CSMD1: variants seen among roughly 807,000 people sequenced by gnomAD.
The protein encoded by CSMD1 is CUB and Sushi multiple domains 1.
A neutral mutation model predicts 417.5 loss-of-function variants in CSMD1; 213 were observed. That is an observed-to-expected ratio of 0.51 (90% CI 0.46 to 0.57). The LOEUF (loss-of-function observed/expected upper bound fraction) is 0.57. Ranked by LOEUF, CSMD1 falls within the 20% of genes least tolerant of loss-of-function variation. The probability of loss-of-function intolerance (pLI) is 0.00; values close to 1 mark genes in which losing one functional copy is unlikely to be tolerated. For synonymous variants in CSMD1, 2,862 were observed against 1,736.8 expected (o/e 1.65, Z -16.11); for missense variants, 6,923 against 4,529.7 (o/e 1.53, Z -15.17).
At chr8:4,830,971 T>A (rs1278791791) in intron 1 of CSMD1, among the ~76,000 whole-genome samples, 2 of 152,196 alleles carry the variant, frequency 1.3e-5, no homozygotes, top group Non-Finnish European at 2.9e-5. Flanking sequence ...AGGTAGCTAA[T>A]CAACGAGGCA....
chr8:3,449,187 T>A (rs1174686797), intron 12 of CSMD1, among the ~76,000 whole-genome samples: 1 of 152,210 alleles, frequency 6.6e-6, no homozygotes, highest in African/African-American at 2.4e-5. Context: ...GGGAATCAGT[T>A]CTTAAATTAT....
intron 5 of CSMD1, among the ~76,000 whole-genome samples, chr8:3,914,102 C>G (rs1411026293): frequency 3.9e-5 from 6 of 152,042 alleles, no homozygotes; most frequent in African/African-American, 1.4e-4. Context: ...ATGTAAGTGC[C>G]TTGTCTTCAG....
At chr8:3,701,085 G>C (rs1209729915) in intron 7 of CSMD1, among the ~76,000 whole-genome samples, 6 of 151,994 alleles carry the variant, frequency 3.9e-5, no homozygotes, top group African/African-American at 1.5e-4. Flanking sequence ...TGAAGGTCTA[G>C]GGACTGAATG....
intron 3 of CSMD1, among the ~76,000 whole-genome samples, chr8:4,416,811 A>T (rs565619950): frequency 2.0e-5 from 3 of 152,246 alleles, no homozygotes; most frequent in South Asian, 2.1e-4. Context: ...GCTTGATGAC[A>T]AAGTAATATT....
chr8:3,501,239 C>G (rs1433767462), intron 10 of CSMD1, among the ~76,000 whole-genome samples: 1 of 152,150 alleles, frequency 6.6e-6, no homozygotes, highest in African/African-American at 2.4e-5. Flanking sequence ...TGTGCATACA[C>G]ACATGCTCAC....
chr8:3,606,588 A>G (rs1030619995), intron 8 of CSMD1, among the ~76,000 whole-genome samples: 6 of 152,102 alleles, frequency 3.9e-5, no homozygotes, highest in Admixed American at 1.3e-4. Flanking sequence ...GGCCTAGGAC[A>G]TGACTGTACA....
intron 7 of CSMD1, among the ~76,000 whole-genome samples, chr8:3,696,365 T>C (rs932029903): frequency 6.6e-6 from 1 of 152,210 alleles, no homozygotes; most frequent in African/African-American, 2.4e-5. Context: ...GCTTATCTCT[T>C]TGACTTGTCG....
Position 4,116,456 on chromosome 8 carries a change from A to C in CSMD1, c.416-84357T>G, listed in dbSNP as rs76496298. Among the ~76,000 whole-genome samples, 8 of 115,602 alleles carry C rather than the reference A, an allele frequency of 6.9e-5. 1 individual carries two copies. The East Asian group carries it at 1.7e-3, about 25-fold the overall frequency. 75.8% of individuals were successfully genotyped at this position (115,602 alleles called of 152,430 possible). ...GGCGACGTATGAGTGCAGGTGCCTG[A>C]ATGGAACAAACGCGCCATGAATGAA... On this transcript the variant is annotated intron_variant, in intron 3 of 69. Transcript: ENST00000635120.
chr8:3,089,401 G>A (rs887687906), intron 48 of CSMD1, among the ~76,000 whole-genome samples: 1 of 152,158 alleles, frequency 6.6e-6, no homozygotes. Context: ...CACAGTTTAC[G>A]GAATTGTCCA....
intron 2 of CSMD1, among the ~76,000 whole-genome samples, chr8:4,635,285 A>C (rs1284641401): frequency 6.6e-6 from 1 of 152,170 alleles, no homozygotes; most frequent in Admixed American, 6.5e-5. Context: ...TGTTCACTCA[A>C]ACTCCAAAAT....
At chr8:2,978,485 T>C (rs1433812450) in intron 55 of CSMD1, 127 bp downstream of exon 55, 5 of 733,090 alleles carry the variant, frequency 6.8e-6, no homozygotes, top group Middle Eastern at 3.8e-4. Flanking sequence ...TAAAAACTCC[T>C]ACAATTGGTG....
intron 2 of CSMD1, among the ~76,000 whole-genome samples, chr8:4,573,863 T>G (rs1404526521): frequency 2.0e-5 from 3 of 152,168 alleles, no homozygotes; most frequent in African/African-American, 7.2e-5. Context: ...TACAGTGGCT[T>G]TGCCGTGCAG....
intron 6 of CSMD1, among the ~76,000 whole-genome samples, chr8:3,734,064 C>G (rs1230944600): frequency 1.3e-5 from 2 of 151,512 alleles, no homozygotes; most frequent in African/African-American, 4.8e-5. Context: ...TTTAAAAATA[C>G]AAAGAATTTT....
At chr8:4,488,218 A>C (rs569927778) in intron 2 of CSMD1, among the ~76,000 whole-genome samples, 1 of 152,336 alleles carries the variant, frequency 6.6e-6, no homozygotes, top group Non-Finnish European at 1.5e-5. Context: ...CAACAACTTA[A>C]TGGTATTTTG....
intron 3 of CSMD1, among the ~76,000 whole-genome samples, chr8:4,394,648 T>G (rs909115831): frequency 1.4e-5 from 2 of 148,054 alleles, no homozygotes; most frequent in Non-Finnish European, 3.0e-5. Context: ...GTGATAGTAG[T>G]AGAATTTCTC....
intron 5 of CSMD1, among the ~76,000 whole-genome samples, chr8:3,826,549 A>T (rs2129085288): frequency 6.6e-6 from 1 of 152,204 alleles, no homozygotes; most frequent in East Asian, 1.9e-4. Flanking sequence ...GTCCCGGCTG[A>T]TATGAGCGCC....
At chr8:3,166,411 G>GTA (rs1820220576) in intron 37 of CSMD1, among the ~76,000 whole-genome samples, 1 of 152,080 alleles carries the variant, frequency 6.6e-6, no homozygotes, top group Non-Finnish European at 1.5e-5. Context: ...GTGTGCACCT[G>GTA]TAGTCCCACC....
intron 6 of CSMD1, among the ~76,000 whole-genome samples, chr8:3,751,108 G>A (rs143926470): frequency 2.6e-5 from 4 of 152,132 alleles, no homozygotes; most frequent in Admixed American, 6.5e-5. Context: ...TGAGGACCAT[G>A]TGGTAATGAA....
chr8:4,089,454 C>T (rs1040630450), intron 3 of CSMD1, among the ~76,000 whole-genome samples: 1 of 152,006 alleles, frequency 6.6e-6, no homozygotes, highest in Non-Finnish European at 1.5e-5. Flanking sequence ...ATTTTTGTGT[C>T]CTTCATAGTT....
Sources: allele counts gnomAD v4.1 joint callset (sites outside exome capture counted in the v4.1 genomes callset), GRCh38; gene constraint gnomAD v4.1.1; transcripts MANE v1.5; gene names NCBI Gene and HGNC (gene_info 2026-07-23, HGNC 2026-07-21).